Variants in HNRNPF observed in about 807,000 individuals in gnomAD.
HNRNPF encodes the protein HnRNP F protein.
Under a neutral mutation model 26.0 loss-of-function variants are expected in HNRNPF, and 2 were observed. The ratio of observed to expected loss-of-function variants is 0.08; its 90% CI spans 0.03 to 0.24. HNRNPF has a LOEUF of 0.24. Among genes scored for constraint, HNRNPF ranks in the 10% least tolerant of loss-of-function variants. HNRNPF has a pLI of 1.00. For synonymous variants in HNRNPF, 234 were observed against 211.5 expected, an observed-to-expected ratio of 1.11 and a Z score of -0.92; for missense variants, 299 against 539.2, an observed-to-expected ratio of 0.55 and a Z score of 4.41.
At chr10:43,393,716 C>A (rs1240953619) in intron 3 of HNRNPF, among the ~76,000 whole-genome samples, 2 of 152,190 alleles carry the variant, frequency 1.3e-5, no homozygotes, top group South Asian at 4.1e-4. Context: ...TGGTTTCCCA[C>A]TGACCTCAGA....
intron 3 of HNRNPF, among the ~76,000 whole-genome samples, chr10:43,392,027 C>A (rs972096586): frequency 3.9e-5 from 6 of 151,972 alleles, no homozygotes; most frequent in Non-Finnish European, 8.8e-5. Context: ...GGTGGATAAC[C>A]GGAGCCAGGA....
chr10:43,391,645 A>T (rs774491409), intron 3 of HNRNPF, among the ~76,000 whole-genome samples: 12 of 148,712 alleles, frequency 8.1e-5, no homozygotes, highest in Non-Finnish European at 1.0e-4. Context: ...TTGGAAGTGG[A>T]CTTTGTGAAG....
In HNRNPF at chr10:43,387,926, C is replaced by CT. The variant is rs1347272261; in HGVS notation, c.-43dup. On this transcript the variant is annotated 5_prime_UTR_variant, in exon 4 of 4. Transcript: ENST00000682386. This position sits in a 1 kb window ranked among gnomAD's most constrained non-coding sequence, Gnocchi z 6.0. ...GGGTGTCAGGTGATCTTGGGTGTGG[C>CT]TTTTTTGTGGCTGGAAAAAAAAAAA... The CT allele has an allele frequency of 2.7e-6, 4 of 1,475,010 alleles. No individual in the cohort carries two copies. The highest frequency in any genetic ancestry group is 2.3e-5 in the East Asian group (1 of 42,862). The allele number at this position is 1,475,010 out of a possible 1,614,324, so 91.4% of individuals were successfully genotyped here. A position where few individuals can be genotyped will look rare whatever the true frequency, so the allele number is the denominator to read the frequency against.
intron 1 of HNRNPF, chr10:43,396,902 AGGG>A (rs1480643699): frequency 2.6e-4 from 1 of 3,778 alleles, no homozygotes; most frequent in Non-Finnish European, 5.8e-4. Context: ...GGGGGAGGGG[AGGG>A]GAGGGGAGGG....
chr10:43,391,814 T>G (rs1335764119), intron 3 of HNRNPF, among the ~76,000 whole-genome samples: 1 of 152,190 alleles, frequency 6.6e-6, no homozygotes, highest in African/African-American at 2.4e-5. Context: ...GTCTACTTGG[T>G]AATTAAACAT....
intron 1 of HNRNPF, among the ~76,000 whole-genome samples, chr10:43,403,130 G>A (rs773021266): frequency 6.6e-6 from 1 of 152,102 alleles, no homozygotes; most frequent in East Asian, 1.9e-4. Context: ...CTGAGTTCAA[G>A]CAATTCTCCT....
chr10:43,402,005 G>A (rs1050389643), intron 1 of HNRNPF, among the ~76,000 whole-genome samples: 25 of 151,184 alleles, frequency 1.7e-4, no homozygotes, highest in African/African-American at 5.9e-4. Context: ...GAGGGGCTCC[G>A]GCACCCAGAA....
At chr10:43,390,013 T>A (rs889904150) in intron 3 of HNRNPF, among the ~76,000 whole-genome samples, 3 of 152,150 alleles carry the variant, frequency 2.0e-5, no homozygotes, top group Non-Finnish European at 4.4e-5. Flanking sequence ...AACCCTGGGG[T>A]TTAGCCTCCA....
chr10:43,404,783 T>C (rs1372816520), intron 1 of HNRNPF, among the ~76,000 whole-genome samples: 2 of 151,404 alleles, frequency 1.3e-5, no homozygotes, highest in Admixed American at 6.6e-5. Context: ...GATCACACCA[T>C]TGCACTCCAG....
At chr10:43,389,215 G>A (rs1312921328) in intron 3 of HNRNPF, among the ~76,000 whole-genome samples, 4 of 151,994 alleles carry the variant, frequency 2.6e-5, no homozygotes, top group Admixed American at 6.6e-5. Flanking sequence ...CAGGTGATCC[G>A]CCCACCTCAG....
chr10:43,387,293 G>A lies in HNRNPF; in HGVS notation c.592C>T (p.Pro198Ser), dbSNP rs1838067065. Residue 198 changes from proline to serine, a missense_variant, in exon 4 of 4, where the codon CCT (proline) becomes TCT (serine). Pro to Ser is a moderately conservative substitution (Grantham distance 74). This residue lies in a region of HNRNPF where 17 missense variants were observed against 16.1 expected (regional missense o/e 1.05). Transcript: ENST00000682386. The surrounding 1 kb of genome is among the most constrained non-coding windows in gnomAD (Gnocchi z 6.0). Reference protein sequence around the residue: ...QEEVRSYSDPPLKFMSVQRPG... With the variant: ...QEEVRSYSDPSLKFMSVQRPG... ...CGCTGCACGGACATGAACTTCAGAG[G>A]GGGATCTGAGTATGACCTAACTTCC... 1 of 1,614,106 alleles carries A rather than the reference G, an allele frequency of 6.2e-7. No homozygotes were observed. Among genetic ancestry groups the A allele is most frequent in the Admixed American group, 1.7e-5 (1 of 60,010 alleles).
chr10:43,387,119 T>G lies in HNRNPF; in HGVS notation c.766A>C (p.Thr256Pro). ...YSGLSDGYGFTTDLFGRDLSY... is the reference protein window; with the variant it reads ...YSGLSDGYGFPTDLFGRDLSY... ...AGGTCTCTCCCGAACAGGTCGGTGGTGAAGCCGTAGCCATCACTGAGGCCA... is the reference window on the plus strand; with the variant it reads ...AGGTCTCTCCCGAACAGGTCGGTGGGGAAGCCGTAGCCATCACTGAGGCCA... The change falls in exon 4 of 4, where the codon ACC becomes CCC. Residue 256 changes from threonine (T) to proline (P), a missense_variant. Thr to Pro is a conservative substitution (Grantham distance 38). Around this residue, in one of 6 missense-constraint regions of HNRNPF, gnomAD observed 74 missense variants for 77.7 expected, o/e 0.95. Coordinates refer to ENST00000682386, the MANE Select transcript of HNRNPF (RefSeq NM_001098204.2). This position sits in a 1 kb window ranked among gnomAD's most constrained non-coding sequence, Gnocchi z 6.0. The G allele has an allele frequency of 6.2e-7, 1 of 1,613,880 alleles. No homozygotes were observed.
rs1564392869 is a variant in HNRNPF at position 43,387,300 on chromosome 10, T to G, written c.585A>C (p.Ser195=). Residue 195 remains serine, a synonymous_variant, in exon 4 of 4, where the codon TCA becomes TCC. Coordinates refer to ENST00000682386, the MANE Select transcript of HNRNPF (RefSeq NM_001098204.2). This position sits in a 1 kb window ranked among gnomAD's most constrained non-coding sequence, Gnocchi z 6.0. The part of the protein sequence containing the change: ...KSSQEEVRSY[S]DPPLKFMSVQ... The stretch of plus-strand genomic sequence containing the variant: ...CGGACATGAACTTCAGAGGGGGATC[T>G]GAGTATGACCTAACTTCCTCCTGGC... The G allele has an allele frequency of 6.2e-7, 1 of 1,614,226 alleles. No homozygotes were observed. Among genetic ancestry groups the G allele is most frequent in the Non-Finnish European group, 8.5e-7 (1 of 1,180,024 alleles).
At chr10:43,404,656 G>C (rs1468117589) in intron 1 of HNRNPF, among the ~76,000 whole-genome samples, 4 of 152,034 alleles carry the variant, frequency 2.6e-5, no homozygotes, top group Non-Finnish European at 5.9e-5. Flanking sequence ...TCAGGAGGTT[G>C]AGACCAGCCT....
intron 1 of HNRNPF, among the ~76,000 whole-genome samples, chr10:43,406,416 G>A (rs2819032): frequency 0.32 from 48,242 of 152,042 alleles, 9,675 homozygotes; most frequent in African/African-American, 0.58. Context: ...AAAAGTGGCC[G>A]GGCACGATGG....
chr10:43,388,007 G>A (rs1838099089), intron 3 of HNRNPF, 71 bp from the exon 4 acceptor site: 3 of 754,554 alleles, frequency 4.0e-6, no homozygotes, highest in African/African-American at 3.6e-5. Flanking sequence ...GACGAGAGAG[G>A]TAGCAAGACA....
chr10:43,393,456 G>A (rs1442783413), intron 3 of HNRNPF, among the ~76,000 whole-genome samples: 1 of 152,106 alleles, frequency 6.6e-6, no homozygotes, highest in Non-Finnish European at 1.5e-5. Context: ...TTAGCCAGGC[G>A]TGGTGGCGCA....
In HNRNPF at chr10:43,387,114, G is replaced by A. The variant is rs367684898; in HGVS notation, c.771C>T (p.Thr257=). ...AGCTGAGGTCTCTCCCGAACAGGTCGGTGGTGAAGCCGTAGCCATCACTGA... is the reference window on the plus strand; with the variant it reads ...AGCTGAGGTCTCTCCCGAACAGGTCAGTGGTGAAGCCGTAGCCATCACTGA... ...SGLSDGYGFT[T]DLFGRDLSYC... The change falls in exon 4 of 4, where the codon ACC becomes ACT. Residue 257 remains threonine (T), a synonymous_variant. Coordinates refer to ENST00000682386, the MANE Select transcript of HNRNPF (RefSeq NM_001098204.2). The surrounding 1 kb of genome is among the most constrained non-coding windows in gnomAD (Gnocchi z 6.0). The A allele has an allele frequency of 2.7e-5, 43 of 1,613,690 alleles. No homozygotes were observed. The highest frequency in any genetic ancestry group is 3.5e-5 in the Non-Finnish European group (41 of 1,180,036).
intron 1 of HNRNPF, among the ~76,000 whole-genome samples, chr10:43,400,593 T>A (rs1419163414): frequency 6.6e-6 from 1 of 152,214 alleles, no homozygotes; most frequent in Non-Finnish European, 1.5e-5. Context: ...AGCAATTTTA[T>A]AAAATTCCTA....
Sources: gnomAD v4.1 joint callset for allele counts (sites outside exome capture counted in the v4.1 genomes callset) on GRCh38, gnomAD v4.1.1 for gene constraint, gnomAD v4.1.1 regional missense constraint, Gnocchi (gnomAD v3.1) non-coding constraint, MANE v1.5 for transcripts, NCBI Gene and HGNC (gene_info 2026-07-23, HGNC 2026-07-21) for gene names.